Variants in ZNF253 observed in about 807,000 individuals in gnomAD.
The protein encoded by ZNF253 is zinc finger protein 253, also known as DNA-binding protein.
A neutral mutation model predicts 11.9 loss-of-function variants in ZNF253; 8 were observed. The ratio of observed to expected loss-of-function variants is 0.67; its 90% CI spans 0.40 to 1.22. The LOEUF (loss-of-function observed/expected upper bound fraction) is 1.22. Ranked by LOEUF, ZNF253 falls within the 50% of genes most tolerant of loss-of-function variation. The probability of loss-of-function intolerance (pLI) is 0.01; values close to 1 mark genes in which losing one functional copy is unlikely to be tolerated. For missense variants in ZNF253, 485 were observed against 586.9 expected, an observed-to-expected ratio of 0.83 and a Z score of 1.79; for synonymous variants, 194 against 194.9, an observed-to-expected ratio of 1.00 and a Z score of 0.04.
chr19:19,875,876 T>C (rs1315844855), intron 1 of ZNF253, among the ~76,000 whole-genome samples: 3 of 152,238 alleles, frequency 2.0e-5, no homozygotes, highest in East Asian at 3.8e-4. Flanking sequence ...GAGAACTAAA[T>C]CACATAATGT....
At position 19,893,237 on chromosome 19, in the gene ZNF253, C is replaced by T. The variant is rs1194146051; in HGVS notation, c.*490C>T. On this transcript the variant is annotated 3_prime_UTR_variant, in exon 4 of 4. Transcript: ENST00000589717. Reference sequence around the variant, plus strand: ...AGGTGATCCACCTGCCTTGGCCTTCCAAAGTGCTGGGGTTACAGGCGTGAG... The same window carrying T: ...AGGTGATCCACCTGCCTTGGCCTTCTAAAGTGCTGGGGTTACAGGCGTGAG... 1.3e-5 allele frequency: 2 copies of T among 156,750 alleles called. No individual in the cohort carries two copies. The highest frequency in any genetic ancestry group is 3.8e-4 in the East Asian group (2 of 5,260). 9.7% of individuals were successfully genotyped at this position (156,750 alleles called of 1,614,324 possible).
In ZNF253 at chr19:19,865,967, C is replaced by T. The variant is rs2063109007; in HGVS notation, c.-30C>T. On this transcript the variant is annotated 5_prime_UTR_variant, in exon 1 of 4. Coordinates refer to ENST00000589717, the MANE Select transcript of ZNF253 (RefSeq NM_021047.3). ...CCTGCAAGTATTGGGAGAGCCACAG[C>T]TAAACCCCGGGACCCCTGGAAGCCT... 1 of 1,614,188 alleles carries T rather than the reference C, an allele frequency of 6.2e-7. No individual in the cohort carries two copies. Among genetic ancestry groups the T allele is most frequent in the East Asian group, 2.2e-5 (1 of 44,876 alleles).
intron 3 of ZNF253, 149 bp from the exon 4 acceptor site, chr19:19,891,325 A>T: frequency 1.5e-6 from 1 of 665,918 alleles, no homozygotes. Context: ...TTTTTGTTAC[A>T]TTTATGTGTC....
intron 3 of ZNF253, among the ~76,000 whole-genome samples, chr19:19,880,965 C>G (rs2063175679): frequency 6.6e-6 from 1 of 151,860 alleles, no homozygotes; most frequent in African/African-American, 2.4e-5. Context: ...TATTCTTCTG[C>G]TTTGTTCCTT....
intron 1 of ZNF253, among the ~76,000 whole-genome samples, chr19:19,873,359 T>C (rs531155114): frequency 9.1e-4 from 138 of 151,794 alleles, no homozygotes; most frequent in African/African-American, 3.2e-3. Flanking sequence ...TGCAGTTCTG[T>C]TTTTTATTTA....
chr19:19,883,230 A>C (rs1177176847), intron 3 of ZNF253, among the ~76,000 whole-genome samples: 1 of 152,190 alleles, frequency 6.6e-6, no homozygotes, highest in East Asian at 1.9e-4. Flanking sequence ...AAAAGGATTT[A>C]TAATTCTGTA....
chr19:19,892,381 C>A lies in ZNF253; in HGVS notation c.1134C>A (p.Asn378Lys). The change falls in exon 4 of 4, where the codon AAC (asparagine) becomes AAA (lysine). Residue 378 changes from asparagine to lysine, a missense_variant. Asn to Lys is a moderately conservative substitution (Grantham distance 94). This residue lies in a region of ZNF253 where 232 missense variants were observed against 321.4 expected (regional missense o/e 0.72). Coordinates refer to ENST00000589717, the MANE Select transcript of ZNF253 (RefSeq NM_021047.3). ...YRCRECGKAF[N>K]HSTTLFSHEK... ...GTAGAGAATGTGGCAAAGCTTTTAA[C>A]CATTCCACAACCCTTTTTTCACATG... 1 of 1,613,772 alleles carries A rather than the reference C, an allele frequency of 6.2e-7. No homozygotes were observed. The highest frequency in any genetic ancestry group is 8.5e-7 in the Non-Finnish European group (1 of 1,179,948).
chr19:19,872,576 T>TA (rs2063138299), intron 1 of ZNF253, among the ~76,000 whole-genome samples: 1 of 105,244 alleles, frequency 9.5e-6, no homozygotes, highest in Admixed American at 9.2e-5. Flanking sequence ...TATATATATA[T>TA]ATATTATTAT....
chr19:19,872,003 T>C (rs1243604148), intron 1 of ZNF253, among the ~76,000 whole-genome samples: 2 of 152,144 alleles, frequency 1.3e-5, no homozygotes, highest in Admixed American at 6.5e-5. Context: ...GTCCCCTAAA[T>C]ATGCAGGCAG....
chr19:19,880,292 T>TTG (rs34794238), intron 3 of ZNF253, 146 bp downstream of exon 3: 14,890 of 413,244 alleles, frequency 0.036, 859 homozygotes, highest in African/African-American at 0.18. Flanking sequence ...TTTTTTTTTT[T>TTG]CTCCCACAAA....
At chr19:19,879,741 T>G (rs1180552241) in intron 2 of ZNF253, among the ~76,000 whole-genome samples, 1 of 152,192 alleles carries the variant, frequency 6.6e-6, no homozygotes, top group East Asian at 1.9e-4. Context: ...AATAACAGCA[T>G]AAAGTAATCT....
rs757307775 is a variant in ZNF253 at position 19,891,670 on chromosome 19, A to G, written c.423A>G (p.Lys141=). The part of the protein sequence containing the change: ...GLNQCLTTTQ[K]EIFQCDKYGK... The stretch of plus-strand genomic sequence containing the variant: ...ACCAATGTTTGACAACTACCCAGAA[A>G]GAAATATTTCAATGTGATAAATATG... The change falls in exon 4 of 4, where the codon AAA becomes AAG. Residue 141 remains lysine, a synonymous_variant. Coordinates refer to ENST00000589717, the MANE Select transcript of ZNF253 (RefSeq NM_021047.3). 1.2e-5 allele frequency: 20 copies of G among 1,614,046 alleles called. No homozygotes were observed. The highest frequency in any genetic ancestry group is 1.6e-5 in the Non-Finnish European group (19 of 1,180,016).
intron 3 of ZNF253, among the ~76,000 whole-genome samples, chr19:19,890,498 TTGTG>T (rs35114806): frequency 0.048 from 6,733 of 140,962 alleles, 158 homozygotes; most frequent in African/African-American, 0.049. Flanking sequence ...CAATTTATAT[TTGTG>T]TGTGTGTGTG....
At chr19:19,871,937 G>T (rs1425479131) in intron 1 of ZNF253, among the ~76,000 whole-genome samples, 1 of 152,100 alleles carries the variant, frequency 6.6e-6, no homozygotes, top group Admixed American at 6.5e-5. Flanking sequence ...ACTCTAGAGG[G>T]GACTTTCCCT....
Position 19,892,256 on chromosome 19 carries a change from G to C in ZNF253, c.1009G>C (p.Glu337Gln). 6.2e-7 allele frequency: 1 copy of C among 1,613,912 alleles called. No individual in the cohort carries two copies. Among genetic ancestry groups the C allele is most frequent in the Non-Finnish European group, 8.5e-7 (1 of 1,179,986 alleles). ...TATACATAAGAGAATTCATACAGGA[G>C]AGAAACCCTACAAATGTGAAGAATG... ...LTIHKRIHTG[E>Q]KPYKCEECGK... is the part of the protein sequence containing the mutation. The change falls in exon 4 of 4, where the codon GAG becomes CAG. Residue 337 changes from glutamate (E) to glutamine (Q), a missense_variant. Transcript: ENST00000589717.
chr19:19,867,845 A>G (rs913179841), intron 1 of ZNF253, among the ~76,000 whole-genome samples: 1 of 152,194 alleles, frequency 6.6e-6, no homozygotes, highest in Non-Finnish European at 1.5e-5. Context: ...TTTCTCTGCA[A>G]CCTTGCCAGC....
At chr19:19,881,181 C>A (rs2063176342) in intron 3 of ZNF253, among the ~76,000 whole-genome samples, 1 of 150,660 alleles carries the variant, frequency 6.6e-6, no homozygotes, top group Non-Finnish European at 1.5e-5. Flanking sequence ...TTTGGATCTT[C>A]CTTTTTTATT....
At chr19:19,873,711 G>C (rs1237521488) in intron 1 of ZNF253, among the ~76,000 whole-genome samples, 1 of 151,806 alleles carries the variant, frequency 6.6e-6, no homozygotes, top group African/African-American at 2.4e-5. Context: ...AAAAAATGAA[G>C]CAGTCATGGT....
In ZNF253 at chr19:19,869,571, G is replaced by T. The variant is rs149916873; in HGVS notation, c.3+3572G>T. Among the ~76,000 whole-genome samples the T allele has an allele frequency of 1.9e-3, 287 of 151,082 alleles. 3 individuals are homozygous for T. The highest frequency in any genetic ancestry group is 6.7e-3 in the African/African-American group (276 of 41,068). On this transcript the variant is annotated intron_variant, in intron 1 of 3. Transcript: ENST00000589717. ...AGATGCGGTTTTTCCATGTTGATCA[G>T]GCTGGTCTTGAACTCCTGACCTCAG...
Sources: allele counts gnomAD v4.1 joint callset (sites outside exome capture counted in the v4.1 genomes callset), GRCh38; gene constraint gnomAD v4.1.1; regional missense constraint gnomAD v4.1.1; transcripts MANE v1.5; gene names NCBI Gene and HGNC (gene_info 2026-07-23, HGNC 2026-07-21).